LINGO2: variants seen among roughly 807,000 people sequenced by gnomAD.
LINGO2 encodes the protein leucine-rich repeat and immunoglobulin-like domain-containing nogo receptor-interacting protein 2.
In LINGO2, 14 loss-of-function variants were observed where a neutral mutation model predicts 30.6. That is an observed-to-expected ratio of 0.46 (90% CI 0.30 to 0.72). LINGO2 has a LOEUF of 0.72. Among genes scored for constraint, LINGO2 ranks in the 30% least tolerant of loss-of-function variants. LINGO2 has a pLI of 0.07. For synonymous variants in LINGO2, 317 were observed against 288.5 expected (o/e 1.10, Z -1.00); for missense variants, 729 against 751.7 (o/e 0.97, Z 0.35).
the LINGO2 span, among the ~76,000 whole-genome samples, chr9:28,753,652 G>A: frequency 6.6e-6 from 1 of 152,002 alleles, no homozygotes; most frequent in South Asian, 2.1e-4. Context: ...TGTCAAGAAT[G>A]GGAAAGGAGA....
the LINGO2 span, among the ~76,000 whole-genome samples, chr9:28,878,884 A>C: frequency 1.6e-3 from 244 of 152,322 alleles, no homozygotes; most frequent in African/African-American, 5.6e-3. Context: ...CCAATATCAT[A>C]CTGAATGGGC....
At chr9:28,436,561 C>T (rs183846612) in intron 2 of LINGO2, among the ~76,000 whole-genome samples, 181 of 152,060 alleles carry the variant, frequency 1.2e-3, no homozygotes, top group South Asian at 4.6e-3. Flanking sequence ...GGGTTCACGC[C>T]ATTCTCCTGC....
the LINGO2 span, among the ~76,000 whole-genome samples, chr9:28,886,862 A>G: frequency 6.6e-6 from 1 of 152,154 alleles, no homozygotes; most frequent in Non-Finnish European, 1.5e-5. Flanking sequence ...AATACATTCA[A>G]ACAGAACATT....
At chr9:28,724,532 C>G in the LINGO2 span, among the ~76,000 whole-genome samples, 3 of 152,088 alleles carry the variant, frequency 2.0e-5, no homozygotes, top group South Asian at 2.1e-4. Context: ...TGGGGTAAAC[C>G]AAGACTGACC....
chr9:28,879,769 T>C, the LINGO2 span, among the ~76,000 whole-genome samples: 1 of 151,970 alleles, frequency 6.6e-6, no homozygotes, highest in Admixed American at 6.6e-5. Context: ...CTGGGTAAAA[T>C]GTAAAGTATT....
the LINGO2 span, among the ~76,000 whole-genome samples, chr9:28,920,853 G>C: frequency 6.6e-6 from 1 of 152,018 alleles, no homozygotes; most frequent in Non-Finnish European, 1.5e-5. Context: ...TTGTTAGCAG[G>C]TCACTTAATC....
At chr9:28,514,153 C>T (rs1389997945) in intron 1 of LINGO2, among the ~76,000 whole-genome samples, 9 of 152,168 alleles carry the variant, frequency 5.9e-5, no homozygotes, top group Non-Finnish European at 7.3e-5. Context: ...TGTCTTTTGG[C>T]TGCTCCACTG....
At chr9:28,845,233 G>T in the LINGO2 span, among the ~76,000 whole-genome samples, 1 of 151,792 alleles carries the variant, frequency 6.6e-6, no homozygotes, top group Non-Finnish European at 1.5e-5. Flanking sequence ...CTCTTGAATT[G>T]GGAGTTGAAG....
the LINGO2 span, among the ~76,000 whole-genome samples, chr9:29,062,037 G>A: frequency 1.3e-5 from 2 of 151,978 alleles, no homozygotes; most frequent in African/African-American, 4.8e-5. Context: ...CTTCAAAACA[G>A]ATACGCAAAT....
At chr9:28,244,041 T>C (rs1370254781) in intron 4 of LINGO2, among the ~76,000 whole-genome samples, 9 of 152,082 alleles carry the variant, frequency 5.9e-5, no homozygotes, top group Admixed American at 5.9e-4. Context: ...CAGAGCCACA[T>C]GGGACTTATG....
At chr9:29,031,378 G>A in the LINGO2 span, among the ~76,000 whole-genome samples, 7 of 151,982 alleles carry the variant, frequency 4.6e-5, no homozygotes, top group African/African-American at 1.2e-4. Context: ...CATCTCCAGG[G>A]TTCAAGCGAT....
At chr9:29,055,951 T>TATATATAC in the LINGO2 span, among the ~76,000 whole-genome samples, 3 of 150,044 alleles carry the variant, frequency 2.0e-5, no homozygotes, top group Non-Finnish European at 3.0e-5. Flanking sequence ...TATATATACA[T>TATATATAC]ATATATGTAC....
rs1251436797 is a variant in LINGO2 at position 28,264,413 on chromosome 9, TA to T, written c.-87+30794del. On this transcript the variant is annotated intron_variant, in intron 4 of 5. Coordinates refer to ENST00000379992, the Ensembl canonical transcript of LINGO2. ...CTTAATAAAAGAAATACAATGGCTTTAAAACGCATTATTTTTTAACTTAATA... is the reference window on the plus strand; with the variant it reads ...CTTAATAAAAGAAATACAATGGCTTTAAACGCATTATTTTTTAACTTAATA... Among the ~76,000 whole-genome samples the T allele has an allele frequency of 2.0e-5, 3 of 152,142 alleles. No individual in the cohort carries two copies. The East Asian group carries it at 5.8e-4, about 29-fold the overall frequency.
At chr9:28,095,282 C>T (rs529184838) in intron 4 of LINGO2, among the ~76,000 whole-genome samples, 11 of 152,194 alleles carry the variant, frequency 7.2e-5, no homozygotes, top group Admixed American at 2.0e-4. Flanking sequence ...AGGGACAGTT[C>T]GCCGTATCCC....
chr9:28,336,000 AAAAAC>A (rs1281556922), intron 3 of LINGO2, among the ~76,000 whole-genome samples: 1 of 152,114 alleles, frequency 6.6e-6, no homozygotes, highest in African/African-American at 2.4e-5. Flanking sequence ...TCTTTTTTAA[AAAAAC>A]AACCTGACAG....
chr9:28,254,794 C>T (rs748091630), intron 4 of LINGO2, among the ~76,000 whole-genome samples: 3 of 152,032 alleles, frequency 2.0e-5, no homozygotes, highest in Non-Finnish European at 2.9e-5. Flanking sequence ...TTCAGGGGTA[C>T]ATGTGCAGAT....
intron 1 of LINGO2, among the ~76,000 whole-genome samples, chr9:28,492,602 A>G (rs1826443388): frequency 6.6e-6 from 1 of 152,130 alleles, no homozygotes; most frequent in Non-Finnish European, 1.5e-5. Context: ...CCAAAGTTCT[A>G]CTAAACTCCT....
chr9:28,554,756 T>G (rs1822546960), intron 1 of LINGO2, among the ~76,000 whole-genome samples: 1 of 117,928 alleles, frequency 8.5e-6, no homozygotes, highest in South Asian at 3.3e-4. Flanking sequence ...GAAGTAAAGC[T>G]CTCCTCAGCA....
At chr9:28,858,064 G>A in the LINGO2 span, among the ~76,000 whole-genome samples, 2 of 151,830 alleles carry the variant, frequency 1.3e-5, no homozygotes, top group African/African-American at 4.8e-5. Flanking sequence ...TTCGACACAG[G>A]TATCACATTC....
Sources: gnomAD v4.1 joint callset for allele counts (sites outside exome capture counted in the v4.1 genomes callset) on GRCh38, gnomAD v4.1.1 for gene constraint, MANE v1.5 for transcripts, NCBI Gene and HGNC (gene_info 2026-07-23, HGNC 2026-07-21) for gene names.